TRIP12: variants seen among roughly 807,000 people sequenced by gnomAD.
TRIP12 encodes the protein E3 ubiquitin-protein ligase TRIP12.
A neutral mutation model predicts 244.2 loss-of-function variants in TRIP12; 25 were observed. That is an observed-to-expected ratio of 0.10 (90% CI 0.07 to 0.14). The LOEUF is 0.14. TRIP12 is among the 10% of genes least tolerant of loss of function. TRIP12 has a pLI of 1.00. For synonymous variants in TRIP12, 905 were observed against 873.1 expected, an observed-to-expected ratio of 1.04 and a Z score of -0.64; for missense variants, 1,677 against 2,486.4, an observed-to-expected ratio of 0.67 and a Z score of 6.92.
chr2:229,901,249 T>A (rs762939102), intron 1 of TRIP12, among the ~76,000 whole-genome samples: 4 of 151,894 alleles, frequency 2.6e-5, no homozygotes, highest in Admixed American at 6.6e-5. Context: ...AAGCTGTTTT[T>A]AAAAATTCTA....
chr2:229,849,929 A>G, intron 4 of TRIP12, among the ~76,000 whole-genome samples: 2 of 95,458 alleles, frequency 2.1e-5, no homozygotes, highest in Non-Finnish European at 4.4e-5. Flanking sequence ...TTGGCATAAT[A>G]CACACCAAAA....
At chr2:229,777,532 A>G in intron 36 of TRIP12, 53 bp from the exon 37 acceptor site, 1 of 1,584,800 alleles carries the variant, frequency 6.3e-7, no homozygotes, top group East Asian at 2.2e-5. Flanking sequence ...TTCCAGCATT[A>G]CCTCCATCTA....
intron 1 of TRIP12, among the ~76,000 whole-genome samples, chr2:229,913,491 T>G (rs542349270): frequency 7.9e-5 from 12 of 152,246 alleles, no homozygotes; most frequent in Non-Finnish European, 1.5e-4. Context: ...AATCATCATC[T>G]ACTAATAAAC....
rs1450768726 is a variant in TRIP12, at chr2:229,767,729, G to T, written c.6029C>A (p.Pro2010His). The T allele has an allele frequency of 1.2e-6, 2 of 1,611,784 alleles. No homozygotes were observed. Residue 2010 changes from proline to histidine, a missense_variant, in exon 42 of 42, where the codon CCT (proline) becomes CAT (histidine). This residue lies in a region of TRIP12 where 171 missense variants were observed against 388.4 expected (regional missense o/e 0.44). Transcript: ENST00000675903. ...PVGGFRSLNP[P>H]LTIVRKTFES... ...AAACGTCTTTCGGACAATTGTCAAAGGTGGATTCAAACTCCGGAATCCTGA... is the reference window on the plus strand; with the variant it reads ...AAACGTCTTTCGGACAATTGTCAAATGTGGATTCAAACTCCGGAATCCTGA...
chr2:229,768,794 C>A, intron 40 of TRIP12, 75 bp from the exon 41 acceptor site: 1 of 1,320,500 alleles, frequency 7.6e-7, no homozygotes. Context: ...CATCGCATCA[C>A]ATGACATAAA....
At chr2:229,797,982 A>G in intron 23 of TRIP12, 151 bp from the exon 24 acceptor site, 1 of 802,700 alleles carries the variant, frequency 1.2e-6, no homozygotes, top group Non-Finnish European at 1.9e-6. Context: ...ATTAACTTTC[A>G]CTTTGAAAAT....
chr2:229,824,797 A>T (rs1259804447), intron 8 of TRIP12, among the ~76,000 whole-genome samples: 2 of 152,254 alleles, frequency 1.3e-5, no homozygotes, highest in Non-Finnish European at 2.9e-5. Flanking sequence ...AGGACAAGGC[A>T]TAAAATTTAA....
chr2:229,883,369 GA>G (rs2065264419), intron 1 of TRIP12, among the ~76,000 whole-genome samples: 1 of 152,142 alleles, frequency 6.6e-6, no homozygotes, highest in Non-Finnish European at 1.5e-5. Flanking sequence ...GTACTGACTT[GA>G]CCAATTACTT....
intron 39 of TRIP12, 59 bp downstream of exon 39, chr2:229,771,460 C>G: frequency 6.8e-7 from 1 of 1,460,584 alleles, no homozygotes; most frequent in Non-Finnish European, 9.5e-7. Context: ...CTAGGCAGCA[C>G]AGAAACACTC....
chr2:229,789,165 C>T (rs1381616343), intron 31 of TRIP12, among the ~76,000 whole-genome samples: 1 of 152,156 alleles, frequency 6.6e-6, no homozygotes, highest in African/African-American at 2.4e-5. Context: ...CTGCGCACCC[C>T]GCCCAGCCAC....
chr2:229,764,410 T>C lies in TRIP12; in HGVS notation c.*3144A>G, dbSNP rs1438873802. The C allele has an allele frequency of 6.6e-6, 1 of 152,216 alleles. No homozygotes were observed. Among genetic ancestry groups the C allele is most frequent in the Non-Finnish European group, 1.5e-5 (1 of 68,036 alleles). 9.4% of individuals were successfully genotyped at this position (152,216 alleles called of 1,614,324 possible). ...ATCAAAAAACAAAGCCTAAAATAAATGAAGGCTTGATCATTTTACTAGTAG... is the reference window on the plus strand; with the variant it reads ...ATCAAAAAACAAAGCCTAAAATAAACGAAGGCTTGATCATTTTACTAGTAG... On this transcript the variant is annotated 3_prime_UTR_variant, in exon 42 of 42. Coordinates refer to ENST00000675903, the MANE Select transcript of TRIP12 (RefSeq NM_001348323.3).
chr2:229,902,220 C>G (rs1428247943), intron 1 of TRIP12, among the ~76,000 whole-genome samples: 1 of 151,994 alleles, frequency 6.6e-6, no homozygotes, highest in African/African-American at 2.4e-5. Flanking sequence ...CCCGCCTCTG[C>G]TAAAAATACA....
At chr2:229,785,888 G>A in intron 33 of TRIP12, 33 bp from the exon 34 acceptor site, 1 of 1,572,846 alleles carries the variant, frequency 6.4e-7, no homozygotes, top group South Asian at 1.2e-5. Context: ...AGGAAACTAT[G>A]CTCTACCCAT....
chr2:229,876,223 C>A (rs892215324), intron 2 of TRIP12, among the ~76,000 whole-genome samples: 1 of 152,090 alleles, frequency 6.6e-6, no homozygotes, highest in Non-Finnish European at 1.5e-5. Flanking sequence ...TTGCAGTGAG[C>A]CCGGATGATG....
rs1365265608 is a variant in TRIP12, at chr2:229,764,466, A to G, written c.*3088T>C. 1 of 152,248 alleles carries G rather than the reference A, an allele frequency of 6.6e-6. No individual in the cohort carries two copies. Among genetic ancestry groups the G allele is most frequent in the Non-Finnish European group, 1.5e-5 (1 of 68,038 alleles). The allele number at this position is 152,248 out of a possible 1,614,324, so 9.4% of individuals were successfully genotyped here. A position where few individuals can be genotyped will look rare whatever the true frequency, so the allele number is the denominator to read the frequency against. Reference sequence around the variant, plus strand: ...TGAACAATAGCATCCAGAATCCTCCAAAAAGGATTTGGCATATGAATGCAC... The same window carrying G: ...TGAACAATAGCATCCAGAATCCTCCGAAAAGGATTTGGCATATGAATGCAC... On this transcript the variant is annotated 3_prime_UTR_variant, in exon 42 of 42. Coordinates refer to ENST00000675903, the MANE Select transcript of TRIP12 (RefSeq NM_001348323.3).
At chr2:229,806,926 A>C (rs1037348958) in intron 17 of TRIP12, among the ~76,000 whole-genome samples, 1 of 152,248 alleles carries the variant, frequency 6.6e-6, no homozygotes, top group African/African-American at 2.4e-5. Flanking sequence ...CAGGTGTCTC[A>C]TGTATTGAAA....
intron 15 of TRIP12, among the ~76,000 whole-genome samples, chr2:229,810,624 C>T (rs2047031365): frequency 3.3e-5 from 5 of 152,128 alleles, no homozygotes; most frequent in Non-Finnish European, 5.9e-5. Context: ...ACTAACATGG[C>T]ATAGATATTA....
chr2:229,913,827 CAGTTA>C (rs777680811), intron 1 of TRIP12, among the ~76,000 whole-genome samples: 3 of 152,098 alleles, frequency 2.0e-5, no homozygotes, highest in Non-Finnish European at 4.4e-5. Flanking sequence ...GCCAAAAACC[CAGTTA>C]AGTTAAAATG....
In TRIP12 at chr2:229,788,781, A is replaced by C; in HGVS notation, c.4838+17T>G. On this transcript the variant is annotated intron_variant, in intron 32 of 41. Coordinates refer to ENST00000675903, the MANE Select transcript of TRIP12 (RefSeq NM_001348323.3). The stretch of plus-strand genomic sequence containing the variant: ...GTAACATTTCCAAGGCCACCATTAC[A>C]GAAGTGATTGTCTTACCAGGTTTTT... The C allele has an allele frequency of 6.2e-7, 1 of 1,610,344 alleles. No homozygotes were observed. Among genetic ancestry groups the C allele is most frequent in the Non-Finnish European group, 8.5e-7 (1 of 1,178,992 alleles).
Sources: gnomAD v4.1 joint callset for allele counts (sites outside exome capture counted in the v4.1 genomes callset) on GRCh38, gnomAD v4.1.1 for gene constraint, gnomAD v4.1.1 regional missense constraint, MANE v1.5 for transcripts, NCBI Gene and HGNC (gene_info 2026-07-23, HGNC 2026-07-21) for gene names.